The following SMG6 variants were observed in gnomAD, a reference collection of about 807,000 sequenced individuals.
SMG6 encodes telomerase-binding protein EST1A.
In SMG6, 66 loss-of-function variants were observed where a neutral mutation model predicts 142.2. The observed-to-expected ratio is 0.46, with a 90% CI of 0.38 to 0.57. The LOEUF (loss-of-function observed/expected upper bound fraction) is 0.57, where lower values mean the gene tolerates loss of function less well. SMG6 is among the 20% of genes least tolerant of loss of function. The pLI, the probability that SMG6 is intolerant of heterozygous loss-of-function variation, is 0.00. For missense variants in SMG6, 1,793 were observed against 1,832.0 expected (o/e 0.98, Z 0.39); for synonymous variants, 779 against 702.4 (o/e 1.11, Z -1.72).
At chr17:2,088,321 C>G (rs1242881428) in intron 13 of SMG6, 1 of 985,262 alleles carries the variant, frequency 1.0e-6, no homozygotes, top group African/African-American at 1.7e-5. Flanking sequence ...CAGGGCACAG[C>G]AGGACCCAGG....
Position 2,188,520 on chromosome 17 carries a change from G to T in SMG6, c.2870-5C>A. 6.2e-7 allele frequency: 1 copy of T among 1,612,600 alleles called. No individual in the cohort carries two copies. The highest frequency in any genetic ancestry group is 8.5e-7 in the Non-Finnish European group (1 of 1,179,282). On this transcript the variant is annotated splice_polypyrimidine_tract_variant and splice_region_variant and intron_variant, in intron 10 of 18. Coordinates refer to ENST00000263073, the MANE Select transcript of SMG6 (RefSeq NM_017575.5). ...GGCACTCCTCCGAGAAGCAGTCTGC[G>T]GACAGGCAAATGAAACTCTCAGCGC... is the stretch of plus-strand genomic sequence containing the variant.
chr17:2,173,155 C>T, intron 12 of SMG6: 1 of 396,254 alleles, frequency 2.5e-6, no homozygotes, highest in Non-Finnish European at 4.7e-6. Context: ...TGTCATCTTT[C>T]CAGACAGTGT....
chr17:2,132,599 C>T (rs1156405080), intron 13 of SMG6, among the ~76,000 whole-genome samples: 2 of 152,110 alleles, frequency 1.3e-5, no homozygotes, highest in Non-Finnish European at 2.9e-5. Flanking sequence ...AACTTTGAGC[C>T]TCTGGATTCT....
At chr17:2,088,154 T>G in intron 13 of SMG6, 1 of 985,236 alleles carries the variant, frequency 1.0e-6, no homozygotes, top group Non-Finnish European at 1.2e-6. Context: ...AGGACAGGAG[T>G]GTGCCACGGA....
intron 8 of SMG6, among the ~76,000 whole-genome samples, chr17:2,252,102 G>GA (rs967869306): frequency 2.2e-5 from 3 of 138,292 alleles, no homozygotes; most frequent in African/African-American, 2.7e-5. Flanking sequence ...CTCCATCTCA[G>GA]AAAAAAAAGG....
chr17:2,302,949 G>A lies in SMG6; in HGVS notation c.88+684C>T, dbSNP rs2075317035. 3.0e-6 allele frequency: 3 copies of A among 985,136 alleles called. No individual in the cohort carries two copies. In the South Asian group the frequency reaches 1.4e-4, roughly 46 times the overall value. 61.0% of individuals were successfully genotyped at this position (985,136 alleles called of 1,614,324 possible). A position where few individuals can be genotyped will look rare whatever the true frequency, so the allele number is the denominator to read the frequency against. On this transcript the variant is annotated intron_variant, in intron 1 of 18. Coordinates refer to ENST00000263073, the MANE Select transcript of SMG6 (RefSeq NM_017575.5). ...AAACCTAGAGAAGGCACCTATCACAGCTACCATTCTACACAACTCTATTGC... is the reference window on the plus strand; with the variant it reads ...AAACCTAGAGAAGGCACCTATCACAACTACCATTCTACACAACTCTATTGC...
intron 9 of SMG6, chr17:2,237,505 C>G (rs2073696595): frequency 1.0e-6 from 1 of 985,396 alleles, no homozygotes; most frequent in South Asian, 4.7e-5. Flanking sequence ...CTAGAAGCCC[C>G]CAGTCATCTG....
chr17:2,195,893 C>T (rs2072309528), intron 10 of SMG6, among the ~76,000 whole-genome samples: 3 of 152,032 alleles, frequency 2.0e-5, no homozygotes, highest in African/African-American at 7.3e-5. Context: ...TTCACACGCC[C>T]GTGACTCAAG....
chr17:2,090,459 A>G (rs1265249691), intron 13 of SMG6, among the ~76,000 whole-genome samples: 1 of 152,142 alleles, frequency 6.6e-6, no homozygotes, highest in Non-Finnish European at 1.5e-5. Flanking sequence ...AAACCTCCAA[A>G]TCTAGCCAGG....
chr17:2,088,224 T>G, intron 13 of SMG6: 1 of 985,364 alleles, frequency 1.0e-6, no homozygotes, highest in Non-Finnish European at 1.2e-6. Flanking sequence ...CTACATGGTA[T>G]GCTGCGTGGC....
At position 2,193,149 on chromosome 17, in the gene SMG6, G is replaced by A. The variant is rs190257292; in HGVS notation, c.2870-4634C>T. On this transcript the variant is annotated intron_variant, in intron 10 of 18. Transcript: ENST00000263073. ...CCTGGTGGGAGGTGTCTGGATGGCA[G>A]GGTGGATCCCTCAGGGCTTGGGTGC... Among the ~76,000 whole-genome samples the A allele has an allele frequency of 3.9e-5, 6 of 152,324 alleles. No individual in the cohort carries two copies. In the East Asian group the frequency reaches 1.2e-3, roughly 29 times the overall value.
At chr17:2,112,384 T>C (rs1649370338) in intron 13 of SMG6, among the ~76,000 whole-genome samples, 1 of 151,082 alleles carries the variant, frequency 6.6e-6, no homozygotes, top group Admixed American at 6.6e-5. Flanking sequence ...GGCGGGCGTC[T>C]GGAGTCCCAG....
intron 10 of SMG6, among the ~76,000 whole-genome samples, chr17:2,192,603 G>A (rs1448678236): frequency 2.0e-5 from 3 of 152,158 alleles, no homozygotes; most frequent in Non-Finnish European, 4.4e-5. Context: ...GAAATGAATG[G>A]TCAGTCACCT....
chr17:2,281,553 T>C (rs1261697284), intron 8 of SMG6, among the ~76,000 whole-genome samples: 1 of 152,192 alleles, frequency 6.6e-6, no homozygotes, highest in Admixed American at 6.5e-5. Context: ...TCAAGTCTTT[T>C]TCATATCTCA....
Position 2,092,801 on chromosome 17 carries a change from C to T in SMG6, c.3358-6900G>A, listed in dbSNP as rs574932647. Among the ~76,000 whole-genome samples, 18 of 152,342 alleles carry T rather than the reference C, an allele frequency of 1.2e-4. No individual in the cohort carries two copies. The South Asian group carries it at 1.2e-3, about 11-fold the overall frequency. On this transcript the variant is annotated intron_variant, in intron 13 of 18. Transcript: ENST00000263073. ...AGCCTGGGCTTCATAGTTACACAGA[C>T]GTGAGTTCAAGTACTAACTGCCACT...
At chr17:2,244,632 A>G (rs2098074859) in intron 9 of SMG6, 26 bp downstream of exon 9, 1 of 1,585,248 alleles carries the variant, frequency 6.3e-7, no homozygotes, top group South Asian at 1.1e-5. Flanking sequence ...ATGTAGGAAA[A>G]TAAAATAAAC....
chr17:2,298,781 A>C, intron 2 of SMG6, 125 bp downstream of exon 2: 4 of 852,786 alleles, frequency 4.7e-6, no homozygotes, highest in Non-Finnish European at 7.3e-6. Context: ...CCCTTCCCTT[A>C]CAACGTGAAA....
chr17:2,208,358 A>G (rs2072750846), intron 10 of SMG6, among the ~76,000 whole-genome samples: 1 of 151,940 alleles, frequency 6.6e-6, no homozygotes, highest in South Asian at 2.1e-4. Context: ...CAGTATTTCT[A>G]CCTGTAGAAA....
At chr17:2,134,805 C>T (rs1474076226) in intron 13 of SMG6, among the ~76,000 whole-genome samples, 1 of 152,148 alleles carries the variant, frequency 6.6e-6, no homozygotes, top group East Asian at 1.9e-4. Context: ...ATGGCTTTAG[C>T]TATTCAAATC....
Sources: gnomAD v4.1 joint callset for allele counts (sites outside exome capture counted in the v4.1 genomes callset) on GRCh38, gnomAD v4.1.1 for gene constraint, MANE v1.5 for transcripts, NCBI Gene and HGNC (gene_info 2026-07-23, HGNC 2026-07-21) for gene names.